The following MTRF1 variants were observed in gnomAD, a reference collection of about 807,000 sequenced individuals.
MTRF1 encodes the protein peptide chain release factor 1, mitochondrial.
MTRF1 carries 51 observed loss-of-function variants against 62.9 expected under a neutral mutation model. That is an observed-to-expected ratio of 0.81 (90% CI 0.65 to 1.02). The LOEUF (loss-of-function observed/expected upper bound fraction) is 1.02. Among genes scored for constraint, MTRF1 ranks in the 50% least tolerant of loss-of-function variants. MTRF1 has a pLI of 0.00. For missense variants in MTRF1, 446 were observed against 530.0 expected (o/e 0.84, Z 1.56); for synonymous variants, 158 against 181.9 (o/e 0.87, Z 1.06).
the MTRF1 span, among the ~76,000 whole-genome samples, chr13:41,293,426 C>A: frequency 0.73 from 110,706 of 152,074 alleles, 42,159 homozygotes; most frequent in South Asian, 0.9. Flanking sequence ...GTTTACTGGT[C>A]AGACAGTTTT....
chr13:41,310,903 C>G, the MTRF1 span, among the ~76,000 whole-genome samples: 1 of 152,190 alleles, frequency 6.6e-6, no homozygotes, highest in Non-Finnish European at 1.5e-5. Context: ...ACAAGCTTAT[C>G]AAGAGTGCAA....
chr13:41,249,151 A>T (rs1195603637), intron 5 of MTRF1, among the ~76,000 whole-genome samples: 2 of 152,212 alleles, frequency 1.3e-5, no homozygotes, highest in African/African-American at 4.8e-5. Context: ...TTGTGTGCAC[A>T]TATATGTAAT....
At chr13:41,276,626 A>T in the MTRF1 span, among the ~76,000 whole-genome samples, 1 of 152,188 alleles carries the variant, frequency 6.6e-6, no homozygotes. Flanking sequence ...TGATCTAGCC[A>T]ACCCCTCTCT....
intron 6 of MTRF1, among the ~76,000 whole-genome samples, chr13:41,237,218 C>CAAAAAAAAAAAAAAAAAAAAA (rs11412273): frequency 3.1e-5 from 2 of 63,878 alleles, no homozygotes; most frequent in Non-Finnish European, 5.4e-5. Flanking sequence ...GAATCTGTCT[C>CAAAAAAAAAAAAAAAAAAAAA]AAAAAAAAAA....
chr13:41,258,581 A>T (rs1234129074), intron 2 of MTRF1, among the ~76,000 whole-genome samples: 17 of 151,184 alleles, frequency 1.1e-4, no homozygotes, highest in African/African-American at 4.1e-4. Context: ...AAAACAAAAA[A>T]AAAAAACATA....
the MTRF1 span, among the ~76,000 whole-genome samples, chr13:41,283,924 T>A: frequency 6.6e-6 from 1 of 152,216 alleles, no homozygotes; most frequent in African/African-American, 2.4e-5. Flanking sequence ...ATAATATTGC[T>A]TAAAGGGCAG....
At chr13:41,255,620 A>T (rs1299590455) in intron 2 of MTRF1, among the ~76,000 whole-genome samples, 1 of 152,108 alleles carries the variant, frequency 6.6e-6, no homozygotes, top group Non-Finnish European at 1.5e-5. Flanking sequence ...TGAACCCAGG[A>T]GGTAGAGGTT....
intron 2 of MTRF1, among the ~76,000 whole-genome samples, chr13:41,258,659 TA>T (rs2040037015): frequency 6.9e-6 from 1 of 145,466 alleles, no homozygotes. Flanking sequence ...GGGATAAAAA[TA>T]AAAAATACGT....
intron 7 of MTRF1, among the ~76,000 whole-genome samples, chr13:41,226,833 G>A (rs886785675): frequency 2.0e-5 from 3 of 152,134 alleles, no homozygotes; most frequent in Non-Finnish European, 4.4e-5. Context: ...CAGTCCCCGA[G>A]CTTGGCCTCT....
At chr13:41,311,669 G>A in the MTRF1 span, 9 of 1,202,424 alleles carry the variant, frequency 7.5e-6, no homozygotes, top group Non-Finnish European at 9.5e-6. Flanking sequence ...GCCGGCGCGG[G>A]CCAGGCTTGG....
chr13:41,299,261 T>A, the MTRF1 span, among the ~76,000 whole-genome samples: 1 of 152,106 alleles, frequency 6.6e-6, no homozygotes, highest in African/African-American at 2.4e-5. Context: ...TTGGTAGTAT[T>A]TTTTAAATTC....
chr13:41,227,985 A>G (rs1412401331), intron 7 of MTRF1, among the ~76,000 whole-genome samples: 1 of 152,190 alleles, frequency 6.6e-6, no homozygotes, highest in East Asian at 1.9e-4. Context: ...ACTACCCAAA[A>G]GAATATGAAC....
chr13:41,235,846 CACACACACAGAA>C (rs2036416072), intron 6 of MTRF1: 1 of 111,554 alleles, frequency 9.0e-6, no homozygotes, highest in Admixed American at 1.0e-4. Flanking sequence ...CACAGACACA[CACACACACAGAA>C]ACACACACAC....
chr13:41,264,699 C>G (rs1332939), upstream of MTRF1, among the ~76,000 whole-genome samples: 76,907 of 152,060 alleles, frequency 0.51, 20,697 homozygotes, highest in South Asian at 0.62. Flanking sequence ...TTTTTACAAC[C>G]TTAAAATACT....
intron 3 of MTRF1, among the ~76,000 whole-genome samples, chr13:41,253,329 C>T (rs2039316583): frequency 6.6e-6 from 1 of 152,212 alleles, no homozygotes; most frequent in African/African-American, 2.4e-5. Context: ...CAATTTTCTT[C>T]AGATTTTGGC....
intron 2 of MTRF1, among the ~76,000 whole-genome samples, chr13:41,258,795 AAAATATCATGCTTCAAAAG>A (rs1415683648): frequency 3.3e-5 from 5 of 152,220 alleles, no homozygotes; most frequent in African/African-American, 4.8e-5. Flanking sequence ...TCAAAATTTA[AAAATATCATGCTTCAAAAG>A]ACAGTATCAA....
chr13:41,248,353 C>T (rs2038563978), intron 5 of MTRF1, among the ~76,000 whole-genome samples: 1 of 152,200 alleles, frequency 6.6e-6, no homozygotes, highest in African/African-American at 2.4e-5. Context: ...ACCTCCTGAC[C>T]TCAGGTGATC....
intron 7 of MTRF1, among the ~76,000 whole-genome samples, chr13:41,227,471 A>G (rs2034655097): frequency 6.6e-6 from 1 of 152,060 alleles, no homozygotes; most frequent in Admixed American, 6.5e-5. Context: ...CTAACCTCAC[A>G]CAAGTTTTGG....
the MTRF1 span, among the ~76,000 whole-genome samples, chr13:41,272,024 C>A: frequency 6.6e-6 from 1 of 152,220 alleles, no homozygotes; most frequent in African/African-American, 2.4e-5. Flanking sequence ...CCACCCCTAA[C>A]TTTGTAGCTC....
Sources: allele counts gnomAD v4.1 joint callset (sites outside exome capture counted in the v4.1 genomes callset), GRCh38; gene constraint gnomAD v4.1.1; transcripts MANE v1.5; gene names NCBI Gene and HGNC (gene_info 2026-07-23, HGNC 2026-07-21).